CFAP410: variants seen among roughly 807,000 people sequenced by gnomAD.
CFAP410 encodes the protein cilia- and flagella-associated protein 410.
CFAP410 carries 27 observed loss-of-function variants against 25.7 expected under a neutral mutation model. The ratio of observed to expected loss-of-function variants is 1.05; its 90% CI spans 0.77 to 1.45. CFAP410 has a LOEUF of 1.45. Among genes scored for constraint, CFAP410 ranks in the 40% most tolerant of loss-of-function variants. The pLI, the probability that CFAP410 is intolerant of heterozygous loss-of-function variation, is 0.00. For synonymous variants in CFAP410, 178 were observed against 158.4 expected, an observed-to-expected ratio of 1.12 and a Z score of -0.93; for missense variants, 428 against 354.1, an observed-to-expected ratio of 1.21 and a Z score of -1.67.
In CFAP410 at chr21:44,332,004, C is replaced by G. The variant is rs747669435; in HGVS notation, c.384G>C (p.Glu128Asp). The G allele has an allele frequency of 2.6e-5, 42 of 1,600,700 alleles. No individual in the cohort carries two copies. Among genetic ancestry groups the G allele is most frequent in the Non-Finnish European group, 3.5e-5 (41 of 1,172,988 alleles). ...LQKLDNQAVT[E>D]EELSRALSEG... The stretch of plus-strand genomic sequence containing the variant: ...CACTCAGTGCACGGGACAGCTCCTC[C>G]TCCGTCACAGCTTTGGGATGAAAGA... The change falls in exon 5 of 7, where the codon GAG becomes GAC. Residue 128 changes from glutamate (E) to aspartate (D), a missense_variant. Transcript: ENST00000339818.
intron 5 of CFAP410, 40 bp from the exon 6 acceptor site, chr21:44,330,959 G>C: frequency 6.6e-7 from 1 of 1,506,096 alleles, no homozygotes; most frequent in Non-Finnish European, 9.0e-7. Context: ...CAGGGGGCTC[G>C]TGGCACCGGG....
Position 44,331,891 on chromosome 21 carries a change from G to T in CFAP410, c.497C>A (p.Ser166Tyr), listed in dbSNP as rs747351700. 1 of 1,612,792 alleles carries T rather than the reference G, an allele frequency of 6.2e-7. No homozygotes were observed. Among genetic ancestry groups the T allele is most frequent in the South Asian group, 1.1e-5 (1 of 90,976 alleles). Residue 166 changes from serine (S) to tyrosine (Y), a missense_variant, in exon 5 of 7, where the codon TCC becomes TAC. Physicochemically the swap from Ser to Tyr is moderately radical, Grantham distance 144. Transcript: ENST00000339818. ...CGGGTCCCGGCCAGTCTCAGCAGCG[G>T]AGCTGAGGGAGCTCAGTGTGCAGCA... ...KLCCTLSSLS[S>Y]AAETGRDPLD...
In CFAP410 at chr21:44,329,986, G is replaced by A; in HGVS notation, c.*212C>T. On this transcript the variant is annotated 3_prime_UTR_variant, in exon 7 of 7. Transcript: ENST00000339818. ...AGAACCTCCAGACCACAGAAGGGGA[G>A]TCCTGGGGACAGGACTGGTGTAGAC... The A allele has an allele frequency of 3.5e-6, 2 of 574,352 alleles. No homozygotes were observed. Among genetic ancestry groups the A allele is most frequent in the East Asian group, 6.0e-5 (2 of 33,382 alleles). The allele number at this position is 574,352 out of a possible 1,614,324, so 35.6% of individuals were successfully genotyped here.
intron 3 of CFAP410, chr21:44,333,940 G>A (rs934107558): frequency 5.5e-6 from 2 of 364,954 alleles, no homozygotes; most frequent in African/African-American, 2.1e-5. Context: ...CGCCTCAGAA[G>A]GGCGGTCACC....
At chr21:44,331,199 G>C (rs1432281671) in intron 5 of CFAP410, 1 of 526,628 alleles carries the variant, frequency 1.9e-6, no homozygotes, top group African/African-American at 1.9e-5. Flanking sequence ...GGGGCAGGGT[G>C]GGGGGCACCC....
At position 44,337,679 on chromosome 21, in the gene CFAP410, A is replaced by G. The variant is rs778534124; in HGVS notation, c.78-12T>C. 6.2e-7 allele frequency: 1 copy of G among 1,610,720 alleles called. No homozygotes were observed. The highest frequency in any genetic ancestry group is 1.1e-5 in the South Asian group (1 of 90,700). ...TGAGGCGGCTGCCCCTGGGGAGAGAAAAGATACATACTTTAATTTTGTTAA... is the reference window on the plus strand; with the variant it reads ...TGAGGCGGCTGCCCCTGGGGAGAGAGAAGATACATACTTTAATTTTGTTAA... On this transcript the variant is annotated splice_polypyrimidine_tract_variant and intron_variant, in intron 1 of 6. Coordinates refer to ENST00000339818, the MANE Select transcript of CFAP410 (RefSeq NM_004928.3).
rs757692946 is a variant in CFAP410, at chr21:44,331,981, C to T, written c.407G>A (p.Ser136Asn). Reference sequence around the variant, plus strand: ...GGCCGCAGTGATCTCCTCTCCCTCACTCAGTGCACGGGACAGCTCCTCCTC... The same window carrying T: ...GGCCGCAGTGATCTCCTCTCCCTCATTCAGTGCACGGGACAGCTCCTCCTC... Reference protein sequence around the residue: ...VTEEELSRALSEGEEITAAPE... With the variant: ...VTEEELSRALNEGEEITAAPE... The change falls in exon 5 of 7, where the codon AGT becomes AAT. Residue 136 changes from serine to asparagine, a missense_variant. By Grantham distance (46) the Ser-to-Asn change is conservative (BLOSUM62 1). Transcript: ENST00000339818. 1.2e-6 allele frequency: 2 copies of T among 1,612,912 alleles called. No homozygotes were observed. The highest frequency in any genetic ancestry group is 1.7e-6 in the Non-Finnish European group (2 of 1,179,580).
rs776435899 is a variant in CFAP410 at position 44,332,021 on chromosome 21, G to A, written c.374-7C>T. 2.5e-6 allele frequency: 4 copies of A among 1,592,652 alleles called. No homozygotes were observed. The highest frequency in any genetic ancestry group is 2.3e-5 in the East Asian group (1 of 43,958). On this transcript the variant is annotated splice_polypyrimidine_tract_variant and splice_region_variant and intron_variant, in intron 4 of 6. Coordinates refer to ENST00000339818, the MANE Select transcript of CFAP410 (RefSeq NM_004928.3). ...AGCTCCTCCTCCGTCACAGCTTTGG[G>A]ATGAAAGACAGAAGACAGCATGAGT...
chr21:44,338,319 C>G (rs1043332223), intron 1 of CFAP410: 1 of 1,289,278 alleles, frequency 7.8e-7, no homozygotes, highest in African/African-American at 1.5e-5. Flanking sequence ...CCAGTTGACA[C>G]GGCGCGGTCA....
chr21:44,335,150 A>C (rs760860240), intron 3 of CFAP410: 1 of 154,218 alleles, frequency 6.5e-6, no homozygotes, highest in African/African-American at 2.4e-5. Context: ...TGGGTCCCAC[A>C]GTAGGCAGGA....
Position 44,330,080 on chromosome 21 carries a change from C to A in CFAP410, c.*118G>T. ...CCTGCCCTCGGCCGATGTGGCAAACCGGGGAGGCTTTTGTGTGGGGCCGGG... is the reference window on the plus strand; with the variant it reads ...CCTGCCCTCGGCCGATGTGGCAAACAGGGGAGGCTTTTGTGTGGGGCCGGG... On this transcript the variant is annotated 3_prime_UTR_variant, in exon 7 of 7. Coordinates refer to ENST00000339818, the MANE Select transcript of CFAP410 (RefSeq NM_004928.3). The A allele has an allele frequency of 8.1e-7, 1 of 1,231,590 alleles. No individual in the cohort carries two copies. 76.3% of individuals were successfully genotyped at this position (1,231,590 alleles called of 1,614,324 possible). A position where few individuals can be genotyped will look rare whatever the true frequency, so the allele number is the denominator to read the frequency against.
chr21:44,335,782 G>C lies in CFAP410; in HGVS notation c.119C>G (p.Pro40Arg), dbSNP rs750561784. ...CCTGAGCGTGATCACCTCCAGGCTG[G>C]GCATCTCCTGGCAAATGGAGATCTA... ...LTDISICQEMPSLEVITLSVN... is the reference protein window; with the variant it reads ...LTDISICQEMRSLEVITLSVN... Residue 40 changes from proline to arginine, a missense_variant, in exon 3 of 7, where the codon CCC (proline) becomes CGC (arginine). Coordinates refer to ENST00000339818, the MANE Select transcript of CFAP410 (RefSeq NM_004928.3). 4 of 1,592,308 alleles carry C rather than the reference G, an allele frequency of 2.5e-6. No individual in the cohort carries two copies. In the South Asian group the frequency reaches 4.6e-5, roughly 18 times the overall value.
In CFAP410 at chr21:44,337,675, G is replaced by C. The variant is rs760169605; in HGVS notation, c.78-8C>G. ...TCTGTGAGGCGGCTGCCCCTGGGGA[G>C]AGAAAAGATACATACTTTAATTTTG... On this transcript the variant is annotated splice_region_variant and splice_polypyrimidine_tract_variant and intron_variant, in intron 1 of 6. Transcript: ENST00000339818. The C allele has an allele frequency of 1.9e-6, 3 of 1,611,322 alleles. No individual in the cohort carries two copies. The highest frequency in any genetic ancestry group is 2.5e-6 in the Non-Finnish European group (3 of 1,177,918).
chr21:44,330,013 G>A lies in CFAP410; in HGVS notation c.*185C>T, dbSNP rs756662341. On this transcript the variant is annotated 3_prime_UTR_variant, in exon 7 of 7. Coordinates refer to ENST00000339818, the MANE Select transcript of CFAP410 (RefSeq NM_004928.3). Reference sequence around the variant, plus strand: ...CCTGGGGACAGGACTGGTGTAGACAGGCATCTCCACCGCCCCGGTTAGCCA... The same window carrying A: ...CCTGGGGACAGGACTGGTGTAGACAAGCATCTCCACCGCCCCGGTTAGCCA... 3 of 631,122 alleles carry A rather than the reference G, an allele frequency of 4.8e-6. No individual in the cohort carries two copies. Among genetic ancestry groups the A allele is most frequent in the Non-Finnish European group, 8.2e-6 (3 of 365,248 alleles). The allele number at this position is 631,122 out of a possible 1,614,324, so 39.1% of individuals were successfully genotyped here.
chr21:44,338,552 C>T (rs979367998), intron 1 of CFAP410: 10 of 269,580 alleles, frequency 3.7e-5, no homozygotes, highest in Non-Finnish European at 6.9e-5. Flanking sequence ...CTGACTCAGT[C>T]CTGGAAAGCT....
In CFAP410 at chr21:44,329,994, G is replaced by A. The variant is rs2047611359; in HGVS notation, c.*204C>T. 3 of 590,590 alleles carry A rather than the reference G, an allele frequency of 5.1e-6. No homozygotes were observed. In the South Asian group the frequency reaches 6.3e-5, roughly 12 times the overall value. 36.6% of individuals were successfully genotyped at this position (590,590 alleles called of 1,614,324 possible). ...CAGACCACAGAAGGGGAGTCCTGGG[G>A]ACAGGACTGGTGTAGACAGGCATCT... On this transcript the variant is annotated 3_prime_UTR_variant, in exon 7 of 7. Transcript: ENST00000339818.
Position 44,333,245 on chromosome 21 carries a change from G to A in CFAP410, c.161C>T (p.Thr54Ile), listed in dbSNP as rs1381954850. The A allele has an allele frequency of 6.2e-7, 1 of 1,611,950 alleles. No individual in the cohort carries two copies. Among genetic ancestry groups the A allele is most frequent in the Non-Finnish European group, 8.5e-7 (1 of 1,179,546 alleles). The change falls in exon 4 of 7, where the codon ACC (threonine) becomes ATC (isoleucine). Residue 54 changes from threonine to isoleucine, a missense_variant. Coordinates refer to ENST00000339818, the MANE Select transcript of CFAP410 (RefSeq NM_004928.3). Reference sequence around the variant, plus strand: ...CTGGCACCGGCTCACAGGCTCCAGGGTGGAGATGCTGTTGACACTGCACGG... The same window carrying A: ...CTGGCACCGGCTCACAGGCTCCAGGATGGAGATGCTGTTGACACTGCACGG... ...VITLSVNSIS[T>I]LEPVSRCQRL...
rs1602070175 is a variant in CFAP410 at position 44,329,818 on chromosome 21, T to C, written c.*380A>G. ...AAAGCCATCCGTGAAGACCTCCTCA[T>C]TCTGTGGAGAAACGGCCCTTGCTTT... On this transcript the variant is annotated 3_prime_UTR_variant, in exon 7 of 7. Transcript: ENST00000339818. 4.7e-6 allele frequency: 1 copy of C among 213,934 alleles called. No individual in the cohort carries two copies. The highest frequency in any genetic ancestry group is 9.4e-6 in the Non-Finnish European group (1 of 106,592). 13.3% of individuals were successfully genotyped at this position (213,934 alleles called of 1,614,324 possible).
rs1304770311 is a variant in CFAP410 at position 44,339,212 on chromosome 21, G to A, written c.-18C>T. On this transcript the variant is annotated 5_prime_UTR_variant, in exon 1 of 7. Transcript: ENST00000339818. ...AGCTTCATGGCGGCCGCCCAGGCCC[G>A]ACCGGCGGGCGCCCCCGGCCTCCTG... 2 of 1,425,812 alleles carry A rather than the reference G, an allele frequency of 1.4e-6. No individual in the cohort carries two copies. The highest frequency in any genetic ancestry group is 1.5e-5 in the African/African-American group (1 of 66,314). The allele number at this position is 1,425,812 out of a possible 1,614,324, so 88.3% of individuals were successfully genotyped here.
Sources: allele counts gnomAD v4.1 joint callset, GRCh38; gene constraint gnomAD v4.1.1; transcripts MANE v1.5; gene names NCBI Gene and HGNC (gene_info 2026-07-23, HGNC 2026-07-21).